CUL4A: variants seen among roughly 807,000 people sequenced by gnomAD.
The protein encoded by CUL4A is cullin 4A, also known as cullin-4A.
Under a neutral mutation model 95.5 loss-of-function variants are expected in CUL4A, and 16 were observed. The observed-to-expected ratio is 0.17, with a 90% confidence interval of 0.11 to 0.25. The LOEUF is 0.25. CUL4A is among the 10% of genes least tolerant of loss of function. CUL4A has a pLI of 1.00. For synonymous variants in CUL4A, 380 were observed against 353.1 expected (o/e 1.08, Z -0.85); for missense variants, 610 against 937.0 (o/e 0.65, Z 4.56).
At chr13:113,245,281 T>G (rs371639209) in intron 14 of CUL4A, 44 bp downstream of exon 14, 31 of 1,553,508 alleles carry the variant, frequency 2.0e-5, no homozygotes, top group Non-Finnish European at 2.6e-5. Flanking sequence ...AAAAAGTATC[T>G]GTTAGTGTGG....
chr13:113,239,815 C>T (rs1214088915), intron 10 of CUL4A, among the ~76,000 whole-genome samples: 3 of 152,240 alleles, frequency 2.0e-5, no homozygotes, highest in Non-Finnish European at 2.9e-5. Context: ...TTTTGCTCTT[C>T]TTCATCAGCA....
chr13:113,221,729 C>T (rs1422703992), intron 3 of CUL4A, among the ~76,000 whole-genome samples: 1 of 152,188 alleles, frequency 6.6e-6, no homozygotes, highest in African/African-American at 2.4e-5. Flanking sequence ...AGGCGCCCAC[C>T]ACCATGCTCG....
chr13:113,235,928 G>A (rs989022341), intron 8 of CUL4A, among the ~76,000 whole-genome samples: 4 of 149,028 alleles, frequency 2.7e-5, no homozygotes, highest in Admixed American at 6.8e-5. Context: ...CCGAGATCAC[G>A]CCACTGCACT....
upstream of CUL4A, chr13:113,209,018 CCTCGGGGCGCGCGCGCCCGAGGA>C: frequency 1.4e-6 from 1 of 712,434 alleles, no homozygotes; most frequent in Middle Eastern, 6.7e-4. Context: ...TGGGCCAGGG[CCTCGGGGCGCGCGCGCCCGAGGA>C]GGGGGAGGGG....
intron 5 of CUL4A, among the ~76,000 whole-genome samples, chr13:113,232,690 G>C (rs1218516989): frequency 1.3e-5 from 2 of 152,170 alleles, no homozygotes; most frequent in Admixed American, 1.3e-4. Flanking sequence ...TCAGGGGAAA[G>C]CAGCAAACAT....
chr13:113,239,150 T>A (rs984736774), intron 9 of CUL4A, among the ~76,000 whole-genome samples: 2 of 152,186 alleles, frequency 1.3e-5, no homozygotes. Context: ...TGGTGTAAAC[T>A]GGATTTTCTG....
intron 2 of CUL4A, among the ~76,000 whole-genome samples, chr13:113,213,488 C>CGA (rs2040529050): frequency 6.6e-6 from 1 of 152,080 alleles, no homozygotes; most frequent in African/African-American, 2.4e-5. Context: ...TGACTAGAAA[C>CGA]GAGTCCCACC....
chr13:113,233,011 A>T (rs1391987135), intron 5 of CUL4A, 166 bp from the exon 6 acceptor site: 1 of 693,880 alleles, frequency 1.4e-6, no homozygotes, highest in Non-Finnish European at 2.3e-6. Context: ...GGCGCGCTAG[A>T]CTGGCTGAGA....
chr13:113,247,769 T>C (rs1041527552), intron 15 of CUL4A, among the ~76,000 whole-genome samples: 3 of 152,238 alleles, frequency 2.0e-5, no homozygotes, highest in Non-Finnish European at 4.4e-5. Context: ...TTTGTGCTTC[T>C]GCACCATTCC....
Position 113,209,983 on chromosome 13 carries a change from G to A in CUL4A, c.159G>A (p.Arg53=). The change falls in exon 2 of 20, where the codon CGG becomes CGA. Residue 53 remains arginine, a synonymous_variant. Transcript: ENST00000375440. The part of the protein sequence containing the change: ...LVIKNFRDRP[R]LPDNYTQDTW... ...CCCTCCGCCCTGCAGACAGACCTCG[G>A]CTGCCCGACAACTACACGCAGGACA... 5 of 1,513,410 alleles carry A rather than the reference G, an allele frequency of 3.3e-6. No individual in the cohort carries two copies. The highest frequency in any genetic ancestry group is 4.3e-4 in the Middle Eastern group (2 of 4,700). 93.7% of individuals were successfully genotyped at this position (1,513,410 alleles called of 1,614,324 possible).
At position 113,243,128 on chromosome 13, in the gene CUL4A, A is replaced by G. The variant is rs747677241; in HGVS notation, c.1196A>G (p.Asn399Ser). ...AAGGAGTCCTTTGAGACGTTCATCA[A>G]CAAGAGACCCAACAAGCCTGCAGAA... ...LMKESFETFI[N>S]KRPNKPAELI... Residue 399 changes from asparagine to serine, a missense_variant, in exon 11 of 20, where the codon AAC becomes AGC. Transcript: ENST00000375440. 1 of 1,614,050 alleles carries G rather than the reference A, an allele frequency of 6.2e-7. No individual in the cohort carries two copies. The highest frequency in any genetic ancestry group is 8.5e-7 in the Non-Finnish European group (1 of 1,179,876).
At chr13:113,209,120 G>A (rs1209640714), upstream of CUL4A, among the ~76,000 whole-genome samples, 2 of 150,890 alleles carry the variant, frequency 1.3e-5, no homozygotes, top group Non-Finnish European at 3.0e-5. Context: ...GCCTGCAGGA[G>A]TTAGGGCACG....
chr13:113,259,459 G>C (rs1053910157), intron 18 of CUL4A, among the ~76,000 whole-genome samples: 1 of 152,176 alleles, frequency 6.6e-6, no homozygotes, highest in Non-Finnish European at 1.5e-5. Context: ...CTAAGGTTAA[G>C]TTGTCTCTAG....
rs112978005 is a variant in CUL4A at position 113,266,689 on chromosome 13, G to T, written c.*3107G>T. ...GAACTCGGCGTGGCACAAAGGGGCC[G>T]TGTGTGATCAGGAACTGGAACTTTG... On this transcript the variant is annotated 3_prime_UTR_variant, in exon 20 of 20. Coordinates refer to ENST00000375440, the MANE Select transcript of CUL4A (RefSeq NM_001008895.4). 1 of 152,202 alleles carries T rather than the reference G, an allele frequency of 6.6e-6. No homozygotes were observed. Among genetic ancestry groups the T allele is most frequent in the Non-Finnish European group, 1.5e-5 (1 of 68,044 alleles). 9.4% of individuals were successfully genotyped at this position (152,202 alleles called of 1,614,324 possible).
In CUL4A at chr13:113,263,924, G is replaced by A. The variant is rs1056821165; in HGVS notation, c.*342G>A. On this transcript the variant is annotated 3_prime_UTR_variant, in exon 20 of 20. Transcript: ENST00000375440. ...AAAGCTGCAAGTTTGGTTTGTTCTC[G>A]TGTGTGATCATGAGTGCACAATGAA... 26 of 185,054 alleles carry A rather than the reference G, an allele frequency of 1.4e-4. No homozygotes were observed. Among genetic ancestry groups the A allele is most frequent in the African/African-American group, 4.9e-4 (21 of 42,802 alleles). The allele number at this position is 185,054 out of a possible 1,614,324, so 11.5% of individuals were successfully genotyped here. A position where few individuals can be genotyped will look rare whatever the true frequency, so the allele number is the denominator to read the frequency against.
At chr13:113,249,787 C>A (rs1287121611) in intron 15 of CUL4A, among the ~76,000 whole-genome samples, 2 of 152,210 alleles carry the variant, frequency 1.3e-5, no homozygotes, top group Non-Finnish European at 1.5e-5. Flanking sequence ...TGTAGCCATC[C>A]CTGTCCATAT....
At chr13:113,231,074 T>G (rs1316494963) in intron 5 of CUL4A, among the ~76,000 whole-genome samples, 1 of 152,150 alleles carries the variant, frequency 6.6e-6, no homozygotes, top group East Asian at 1.9e-4. Context: ...TGCCCAACAC[T>G]AAACTCTTAA....
chr13:113,245,439 T>G (rs1236202528), intron 14 of CUL4A, among the ~76,000 whole-genome samples: 1 of 152,034 alleles, frequency 6.6e-6, no homozygotes, highest in Non-Finnish European at 1.5e-5. Flanking sequence ...TCCTAGCTAC[T>G]GGGGTAGGGC....
chr13:113,208,991 G>T (rs1279865576), upstream of CUL4A: 1 of 952,296 alleles, frequency 1.1e-6, no homozygotes, highest in Non-Finnish European at 1.3e-6. Context: ...GGCCGCGGAG[G>T]ACCCTCCGCG....
Sources: allele counts gnomAD v4.1 joint callset (sites outside exome capture counted in the v4.1 genomes callset), GRCh38; gene constraint gnomAD v4.1.1; transcripts MANE v1.5; gene names NCBI Gene and HGNC (gene_info 2026-07-23, HGNC 2026-07-21).